The following MORC1 variants were observed in gnomAD, a reference collection of about 807,000 sequenced individuals.
The protein encoded by MORC1 is MORC family CW-type zinc finger protein 1.
A neutral mutation model predicts 134.9 loss-of-function variants in MORC1; 59 were observed. That is an observed-to-expected ratio of 0.44 (90% CI 0.35 to 0.54). The LOEUF is 0.54. Among genes scored for constraint, MORC1 ranks in the 20% least tolerant of loss-of-function variants. The pLI is 0.00. For synonymous variants in MORC1, 395 were observed against 391.7 expected (o/e 1.01, Z -0.10); for missense variants, 947 against 1,134.5 (o/e 0.83, Z 2.37).
intron 18 of MORC1, among the ~76,000 whole-genome samples, chr3:109,006,356 C>T (rs889441326): frequency 6.6e-5 from 10 of 152,092 alleles, no homozygotes; most frequent in South Asian, 2.1e-4. Flanking sequence ...AAAACACAAA[C>T]ACAAACTAAG....
In MORC1 at chr3:109,035,340, C is replaced by T; in HGVS notation, c.1459G>A (p.Asp487Asn). The T allele has an allele frequency of 6.3e-7, 1 of 1,584,476 alleles. No individual in the cohort carries two copies. Among genetic ancestry groups the T allele is most frequent in the South Asian group, 1.2e-5 (1 of 84,260 alleles). ...AATTATAATGGACTTCAACACTCAC[C>T]ACATTGTATGATGAATGGGATACCC... is the stretch of plus-strand genomic sequence containing the variant. Reference protein sequence around the residue: ...AMGIPFIIQCDLCLKWRVLPS... With the variant: ...AMGIPFIIQCNLCLKWRVLPS... The change falls in exon 15 of 28, where the codon GAT becomes AAT. Residue 487 changes from aspartate (D) to asparagine (N), a missense_variant and splice_region_variant. Asp to Asn is a conservative substitution (Grantham distance 23). This residue lies in a region of MORC1 where 722 missense variants were observed against 817.0 expected (regional missense o/e 0.88). Transcript: ENST00000232603.
At chr3:109,080,252 A>G (rs1950497388) in intron 8 of MORC1, among the ~76,000 whole-genome samples, 1 of 152,154 alleles carries the variant, frequency 6.6e-6, no homozygotes, top group South Asian at 2.1e-4. Context: ...GGCAAGGAGG[A>G]GCAAGTCACG....
At chr3:108,997,709 A>G (rs565198957) in intron 21 of MORC1, among the ~76,000 whole-genome samples, 1 of 152,278 alleles carries the variant, frequency 6.6e-6, no homozygotes, top group African/African-American at 2.4e-5. Flanking sequence ...GATGGCTAAA[A>G]TAATCAGCAA....
intron 4 of MORC1, among the ~76,000 whole-genome samples, chr3:109,100,771 G>A (rs898771036): frequency 1.7e-4 from 26 of 152,126 alleles, no homozygotes; most frequent in African/African-American, 5.3e-4. Flanking sequence ...AATAAATTGC[G>A]TCTGGACTGA....
intron 4 of MORC1, among the ~76,000 whole-genome samples, chr3:109,102,535 T>C (rs1950949010): frequency 6.6e-6 from 1 of 152,172 alleles, no homozygotes; most frequent in Non-Finnish European, 1.5e-5. Context: ...TCAAGATTGA[T>C]CTAGCTCCGT....
At chr3:109,040,431 A>AAGGAGGGAAG (rs1559912646) in intron 14 of MORC1, among the ~76,000 whole-genome samples, 2 of 20,888 alleles carry the variant, frequency 9.6e-5, no homozygotes, top group Non-Finnish European at 2.2e-4. Context: ...AAGGAAGGAA[A>AAGGAGGGAAG]GAAAGAAAGA....
chr3:109,029,644 C>T (rs1949189663), intron 16 of MORC1, among the ~76,000 whole-genome samples: 1 of 152,078 alleles, frequency 6.6e-6, no homozygotes, highest in Non-Finnish European at 1.5e-5. Flanking sequence ...GATACTGTGT[C>T]AAAAATGTAT....
At chr3:108,989,157 GT>G (rs950926394) in intron 21 of MORC1, among the ~76,000 whole-genome samples, 1 of 152,080 alleles carries the variant, frequency 6.6e-6, no homozygotes, top group Non-Finnish European at 1.5e-5. Flanking sequence ...ACAGACAGTT[GT>G]TTTTTCGATT....
chr3:109,115,613 T>G (rs917529314), intron 1 of MORC1, among the ~76,000 whole-genome samples: 2 of 152,186 alleles, frequency 1.3e-5, no homozygotes, highest in South Asian at 2.1e-4. Flanking sequence ...AAGTACATGA[T>G]TCAATATACA....
rs114115565 is a variant in MORC1 at position 109,065,135 on chromosome 3, T to A, written c.816-1904A>T. ...ATACAGTAATAGTATCTATCCTACC[T>A]CAACTTCCCTCCTTTCTTCTTGTCC... On this transcript the variant is annotated intron_variant, in intron 9 of 27. Coordinates refer to ENST00000232603, the MANE Select transcript of MORC1 (RefSeq NM_014429.4). 4.0e-3 allele frequency among the ~76,000 whole-genome samples: 602 copies of A among 152,262 alleles called. 4 individuals are homozygous for A. The highest frequency in any genetic ancestry group is 0.014 in the African/African-American group (579 of 41,556).
chr3:108,966,369 A>T (rs1015335403), intron 26 of MORC1, among the ~76,000 whole-genome samples: 4 of 152,146 alleles, frequency 2.6e-5, no homozygotes, highest in Admixed American at 1.3e-4. Context: ...GGCCTACAAC[A>T]TCTATAGATT....
At chr3:109,012,419 A>G (rs1443179053) in intron 17 of MORC1, among the ~76,000 whole-genome samples, 2 of 152,146 alleles carry the variant, frequency 1.3e-5, no homozygotes, top group Non-Finnish European at 2.9e-5. Flanking sequence ...TATTTTTTCT[A>G]AATTCTTTGC....
intron 15 of MORC1, among the ~76,000 whole-genome samples, chr3:109,033,472 A>G (rs1380021489): frequency 6.6e-6 from 1 of 152,088 alleles, no homozygotes; most frequent in African/African-American, 2.4e-5. Context: ...TGCCTTTAGG[A>G]CGAAGGCACA....
rs757658737 is a variant in MORC1 at position 109,094,944 on chromosome 3, A to G, written c.548T>C (p.Leu183Ser). 1.3e-6 allele frequency: 2 copies of G among 1,583,578 alleles called. No individual in the cohort carries two copies. Among genetic ancestry groups the G allele is most frequent in the Non-Finnish European group, 1.7e-6 (2 of 1,171,878 alleles). ...KYSPFKTEAELMQQFDVIYGK... is the reference protein window; with the variant it reads ...KYSPFKTEAESMQQFDVIYGK... ...ATAGATCACATCAAACTGCTGCATC[A>G]ATTCTGCTTCAGTTTTAAATGGGGA... Residue 183 changes from leucine to serine, a missense_variant, in exon 7 of 28, where the codon TTG becomes TCG. By Grantham distance (145) the Leu-to-Ser change is moderately radical. Coordinates refer to ENST00000232603, the MANE Select transcript of MORC1 (RefSeq NM_014429.4).
At chr3:109,001,523 T>C (rs1189719036) in intron 20 of MORC1, among the ~76,000 whole-genome samples, 5 of 152,244 alleles carry the variant, frequency 3.3e-5, no homozygotes, top group African/African-American at 7.2e-5. Flanking sequence ...CTTTGGCCAG[T>C]TGAGTTGGCT....
chr3:108,978,800 G>A (rs560792487), intron 24 of MORC1, among the ~76,000 whole-genome samples: 61 of 152,134 alleles, frequency 4.0e-4, no homozygotes, highest in African/African-American at 1.3e-3. Context: ...TCCCTGGCCC[G>A]AGCATCTCAC....
chr3:109,017,745 T>G lies in MORC1; in HGVS notation c.1704+10006A>C, dbSNP rs562668274. ...TTAATGAGTAGCTGTTTACCAATGA[T>G]AGCATCTTTTTTTATCATCATCATC... is the stretch of plus-strand genomic sequence containing the variant. On this transcript the variant is annotated intron_variant, in intron 17 of 27. Transcript: ENST00000232603. Among the ~76,000 whole-genome samples the G allele has an allele frequency of 1.6e-4, 25 of 152,312 alleles. No homozygotes were observed. In the East Asian group the frequency reaches 3.9e-3, roughly 23 times the overall value.
chr3:109,097,921 G>A (rs747952181), intron 6 of MORC1, among the ~76,000 whole-genome samples: 9 of 152,098 alleles, frequency 5.9e-5, no homozygotes, highest in Admixed American at 4.6e-4. Context: ...AGAAGACTAC[G>A]ATTATATGAT....
chr3:109,027,053 C>T (rs1453091830), intron 17 of MORC1, among the ~76,000 whole-genome samples: 2 of 152,178 alleles, frequency 1.3e-5, no homozygotes, highest in African/African-American at 4.8e-5. Context: ...TTTTAATAAG[C>T]ATTTTATTTC....
Sources: gnomAD v4.1 joint callset for allele counts (sites outside exome capture counted in the v4.1 genomes callset) on GRCh38, gnomAD v4.1.1 for gene constraint, gnomAD v4.1.1 regional missense constraint, MANE v1.5 for transcripts, NCBI Gene and HGNC (gene_info 2026-07-23, HGNC 2026-07-21) for gene names.